The following SORBS2 variants were observed in gnomAD, a reference collection of about 807,000 sequenced individuals.
SORBS2 encodes sorbin and SH3 domain-containing protein 2.
In SORBS2, 46 loss-of-function variants were observed where a neutral mutation model predicts 97.7. The ratio of observed to expected loss-of-function variants is 0.47; its 90% CI spans 0.37 to 0.60. The LOEUF (loss-of-function observed/expected upper bound fraction) is 0.60. Ranked by LOEUF, SORBS2 falls within the 20% of genes least tolerant of loss-of-function variation. The pLI is 0.00. For missense variants in SORBS2, 1,316 were observed against 1,282.3 expected (o/e 1.03, Z -0.40); for synonymous variants, 476 against 473.4 (o/e 1.01, Z -0.07).
intron 1 of SORBS2, among the ~76,000 whole-genome samples, chr4:185,785,036 G>A (rs2099049470): frequency 6.6e-6 from 1 of 151,932 alleles, no homozygotes; most frequent in Non-Finnish European, 1.5e-5. Context: ...AAACAGGAAC[G>A]CATTGTTTAT....
intron 1 of SORBS2, among the ~76,000 whole-genome samples, chr4:185,821,026 G>A (rs1184728251): frequency 6.6e-6 from 1 of 152,182 alleles, no homozygotes; most frequent in Non-Finnish European, 1.5e-5. Context: ...AAGAAGATCC[G>A]CATCAAGGGT....
chr4:185,933,809 T>C (rs1724323959), intron 1 of SORBS2, among the ~76,000 whole-genome samples: 2 of 152,246 alleles, frequency 1.3e-5, no homozygotes, highest in Admixed American at 6.5e-5. Flanking sequence ...AGAATATGAA[T>C]TGGAAAGGAA....
At chr4:185,602,044 C>T (rs1354962555) in intron 12 of SORBS2, among the ~76,000 whole-genome samples, 1 of 152,102 alleles carries the variant, frequency 6.6e-6, no homozygotes, top group African/African-American at 2.4e-5. Context: ...TGGAGTCTCG[C>T]TCTGTTGCCA....
intron 1 of SORBS2, among the ~76,000 whole-genome samples, chr4:185,828,165 T>C (rs2099202989): frequency 6.6e-6 from 1 of 152,008 alleles, no homozygotes; most frequent in Non-Finnish European, 1.5e-5. Flanking sequence ...AGAGGAAAAA[T>C]TGGACAAAGG....
chr4:185,719,076 TA>T (rs35970206), intron 2 of SORBS2, among the ~76,000 whole-genome samples: 6 of 151,648 alleles, frequency 4.0e-5, no homozygotes, highest in East Asian at 1.9e-4. Flanking sequence ...AATCTGGTTT[TA>T]AAAAAAAATC....
At position 185,897,651 on chromosome 4, in the gene SORBS2, A is replaced by C. The variant is rs564598596; in HGVS notation, c.-338+58545T>G. Among the ~76,000 whole-genome samples, 8 of 152,330 alleles carry C rather than the reference A, an allele frequency of 5.3e-5. No individual in the cohort carries two copies. In the East Asian group the frequency reaches 1.3e-3, roughly 26 times the overall value. ...ACACAACCATAACTACTGCAGTCTG[A>C]AACAGGTATGCTCCACAGCCTACAA... On this transcript the variant is annotated intron_variant, in intron 1 of 20. Coordinates refer to the SORBS2 transcript ENST00000284776.
intron 2 of SORBS2, among the ~76,000 whole-genome samples, chr4:185,760,515 A>G (rs1295919896): frequency 6.6e-6 from 1 of 152,218 alleles, no homozygotes; most frequent in Non-Finnish European, 1.5e-5. Flanking sequence ...GTGAGCTGAG[A>G]TCGCGCCATT....
chr4:185,792,991 G>A (rs1282115558), intron 1 of SORBS2, among the ~76,000 whole-genome samples: 2 of 152,208 alleles, frequency 1.3e-5, no homozygotes, highest in Non-Finnish European at 2.9e-5. Context: ...GAGCGTTTGT[G>A]TGAATAGTCA....
intron 1 of SORBS2, among the ~76,000 whole-genome samples, chr4:185,912,149 G>C (rs1261718987): frequency 6.6e-6 from 1 of 152,160 alleles, no homozygotes; most frequent in Non-Finnish European, 1.5e-5. Context: ...CTTTCAGTAA[G>C]TGTAGTTTTT....
At chr4:185,611,734 C>T in intron 12 of SORBS2, 46 bp downstream of exon 24, 1 of 1,474,624 alleles carries the variant, frequency 6.8e-7, no homozygotes, top group South Asian at 1.1e-5. Flanking sequence ...GATTATCTTA[C>T]TTGGAGCTTC....
chr4:185,678,612 AT>A (rs1419736250), intron 3 of SORBS2, 65 bp from the exon 7 acceptor site: 1 of 1,429,598 alleles, frequency 7.0e-7, no homozygotes, highest in Non-Finnish European at 9.3e-7. Flanking sequence ...TTTTTATAAA[AT>A]TTATTTTTAT....
At chr4:185,734,643 C>T (rs1479181050) in intron 2 of SORBS2, among the ~76,000 whole-genome samples, 2 of 152,224 alleles carry the variant, frequency 1.3e-5, no homozygotes, top group Non-Finnish European at 2.9e-5. Context: ...CCCACCTCCT[C>T]CTTGCTTTTC....
intron 2 of SORBS2, among the ~76,000 whole-genome samples, chr4:185,710,454 C>T (rs1369354490): frequency 6.6e-6 from 1 of 152,226 alleles, no homozygotes; most frequent in Non-Finnish European, 1.5e-5. Flanking sequence ...AAGGGAATTG[C>T]TCTGTTCTCA....
At chr4:185,767,000 C>T (rs1440966920) in intron 2 of SORBS2, among the ~76,000 whole-genome samples, 1 of 151,988 alleles carries the variant, frequency 6.6e-6, no homozygotes, top group South Asian at 2.1e-4. Context: ...TTTCCTAACT[C>T]GATTCTTTTC....
intron 1 of SORBS2, among the ~76,000 whole-genome samples, chr4:185,793,670 A>AG (rs2099091640): frequency 6.6e-6 from 1 of 152,166 alleles, no homozygotes; most frequent in Non-Finnish European, 1.5e-5. Flanking sequence ...GACAAAACAA[A>AG]GCGTGTCTGG....
chr4:185,744,327 G>C (rs1222730033), intron 2 of SORBS2, among the ~76,000 whole-genome samples: 3 of 152,112 alleles, frequency 2.0e-5, no homozygotes, highest in Admixed American at 6.6e-5. Context: ...GGTCCATGCA[G>C]GCTTTTCCAG....
intron 1 of SORBS2, among the ~76,000 whole-genome samples, chr4:185,913,160 G>A (rs1278708848): frequency 4.6e-5 from 7 of 152,138 alleles, no homozygotes; most frequent in African/African-American, 7.2e-5. Context: ...CATCTATTTG[G>A]GAAAACAGAA....
In SORBS2 at chr4:185,606,905, C is replaced by A. The variant is rs1385434945; in HGVS notation, c.2796+4875G>T. ...AAATTATCCCCTAGGACTTCTGGTG[C>A]CTTTTTAGGGTCTGAGAAGCCCCTT... On this transcript the variant is annotated intron_variant, in intron 12 of 14. Coordinates refer to ENST00000418609, the Ensembl canonical transcript of SORBS2. This position sits in a 1 kb window ranked among gnomAD's most constrained non-coding sequence, Gnocchi z 4.3. 5 of 988,514 alleles carry A rather than the reference C, an allele frequency of 5.1e-6. No individual in the cohort carries two copies. Among genetic ancestry groups the A allele is most frequent in the Non-Finnish European group, 6.0e-6 (5 of 831,652 alleles). 61.2% of individuals were successfully genotyped at this position (988,514 alleles called of 1,614,324 possible). A position where few individuals can be genotyped will look rare whatever the true frequency, so the allele number is the denominator to read the frequency against.
chr4:185,714,102 T>C (rs1382227448), intron 2 of SORBS2, among the ~76,000 whole-genome samples: 5 of 152,234 alleles, frequency 3.3e-5, no homozygotes, highest in Admixed American at 3.3e-4. Flanking sequence ...AGTGGATATA[T>C]GGTTGATTTT....
Sources: allele counts gnomAD v4.1 joint callset (sites outside exome capture counted in the v4.1 genomes callset), GRCh38; gene constraint gnomAD v4.1.1; non-coding constraint Gnocchi (gnomAD v3.1); transcripts MANE v1.5; gene names NCBI Gene and HGNC (gene_info 2026-07-23, HGNC 2026-07-21).